CPQ: variants seen among roughly 807,000 people sequenced by gnomAD.
The protein encoded by CPQ is carboxypeptidase Q.
CPQ carries 37 observed loss-of-function variants against 45.7 expected under a neutral mutation model. That is an observed-to-expected ratio of 0.81 (90% confidence interval 0.62 to 1.07). CPQ has a LOEUF of 1.07. Ranked by LOEUF, CPQ falls within the 50% of genes least tolerant of loss-of-function variation. CPQ has a pLI of 0.00. For synonymous variants in CPQ, 186 were observed against 205.8 expected (o/e 0.90, Z 0.82); for missense variants, 537 against 572.9 (o/e 0.94, Z 0.64).
chr8:97,075,988 G>A (rs1323914431), intron 7 of CPQ, among the ~76,000 whole-genome samples: 1 of 151,916 alleles, frequency 6.6e-6, no homozygotes, highest in Non-Finnish European at 1.5e-5. Context: ...AAAAGGTAAG[G>A]ACTTGGTTTT....
intron 4 of CPQ, among the ~76,000 whole-genome samples, chr8:96,880,545 A>G (rs1308088924): frequency 3.3e-4 from 7 of 21,232 alleles, no homozygotes; most frequent in African/African-American, 9.7e-4. Flanking sequence ...ATATATATAT[A>G]TATATATATA....
chr8:96,897,316 A>G (rs960452125), intron 4 of CPQ, among the ~76,000 whole-genome samples: 1 of 152,162 alleles, frequency 6.6e-6, no homozygotes, highest in Non-Finnish European at 1.5e-5. Flanking sequence ...CTCAACCTCT[A>G]TGCTCTTTTT....
chr8:96,929,473 C>T (rs951756415), intron 4 of CPQ, among the ~76,000 whole-genome samples: 4 of 152,142 alleles, frequency 2.6e-5, no homozygotes, highest in African/African-American at 9.7e-5. Context: ...AATATGCTCC[C>T]TCAATGCAAG....
chr8:97,035,687 T>C (rs1031510605), intron 6 of CPQ, among the ~76,000 whole-genome samples: 4 of 99,328 alleles, frequency 4.0e-5, no homozygotes, highest in African/African-American at 1.7e-4. Context: ...ACTTTTTGTT[T>C]GTTTGTTTGT....
chr8:96,973,691 G>A (rs1306882928), intron 5 of CPQ, among the ~76,000 whole-genome samples: 1 of 152,124 alleles, frequency 6.6e-6, no homozygotes, highest in African/African-American at 2.4e-5. Context: ...AACCCTACCA[G>A]CTAGATGGGA....
intron 4 of CPQ, among the ~76,000 whole-genome samples, chr8:96,933,094 T>C (rs1812995887): frequency 6.6e-6 from 1 of 152,148 alleles, no homozygotes; most frequent in Admixed American, 6.5e-5. Flanking sequence ...GACCACTGAA[T>C]GTTTGCAAAG....
At chr8:96,781,223 C>G (rs1185520167) in intron 1 of CPQ, among the ~76,000 whole-genome samples, 2 of 152,126 alleles carry the variant, frequency 1.3e-5, no homozygotes, top group African/African-American at 4.8e-5. Context: ...TTGTCTTAGT[C>G]TATTTTGTGC....
intron 6 of CPQ, among the ~76,000 whole-genome samples, chr8:97,035,680 TTTTG>T (rs869295970): frequency 1.5e-5 from 2 of 131,932 alleles, no homozygotes; most frequent in African/African-American, 3.0e-5. Context: ...CCTTAAGACT[TTTTG>T]TTTGTTTGTT....
chr8:96,719,412 A>G (rs1450486213), intron 1 of CPQ, among the ~76,000 whole-genome samples: 1 of 152,046 alleles, frequency 6.6e-6, no homozygotes, highest in Non-Finnish European at 1.5e-5. Flanking sequence ...CCCACCCGGA[A>G]CTCCAGCTGT....
chr8:96,743,956 G>T (rs1448860772), intron 1 of CPQ, among the ~76,000 whole-genome samples: 2 of 152,242 alleles, frequency 1.3e-5, no homozygotes, highest in African/African-American at 4.8e-5. Flanking sequence ...CCCCAGAGGT[G>T]GAGCCTACAG....
intron 1 of CPQ, among the ~76,000 whole-genome samples, chr8:96,729,248 T>G (rs756451496): frequency 6.6e-6 from 1 of 152,202 alleles, no homozygotes; most frequent in Non-Finnish European, 1.5e-5. Context: ...AATTCCTTGT[T>G]GGGCATGAAG....
At chr8:96,916,123 G>A (rs892777823) in intron 4 of CPQ, among the ~76,000 whole-genome samples, 1 of 152,164 alleles carries the variant, frequency 6.6e-6, no homozygotes. Context: ...AGCCCCGGTT[G>A]AGTAGCTTCA....
chr8:97,025,698 A>T (rs2130463673), intron 5 of CPQ, among the ~76,000 whole-genome samples: 1 of 152,158 alleles, frequency 6.6e-6, no homozygotes, highest in South Asian at 2.1e-4. Context: ...TTGACCTCAT[A>T]TTACTTTGTT....
chr8:96,661,172 A>T (rs1815697113), intron 1 of CPQ, among the ~76,000 whole-genome samples: 1 of 152,254 alleles, frequency 6.6e-6, no homozygotes, highest in Admixed American at 6.5e-5. Flanking sequence ...AACATATCAA[A>T]TGTAAAACAA....
intron 2 of CPQ, among the ~76,000 whole-genome samples, chr8:96,787,525 CTTTTTTTTTTTTTTTTTTT>C (rs71267281): frequency 4.2e-5 from 2 of 47,594 alleles, no homozygotes; most frequent in African/African-American, 8.1e-5. Flanking sequence ...CTTATAATGT[CTTTTTTTTTTTTTTTTTTT>C]TTTTTTTTTT....
chr8:97,076,112 G>A (rs1050109431), intron 7 of CPQ, among the ~76,000 whole-genome samples: 11 of 152,088 alleles, frequency 7.2e-5, no homozygotes, highest in Admixed American at 2.6e-4. Flanking sequence ...TGCAACCTCC[G>A]CCTCCCGGGT....
chr8:96,839,096 TA>T (rs1811570845), intron 3 of CPQ, among the ~76,000 whole-genome samples: 2 of 29,608 alleles, frequency 6.8e-5, no homozygotes, highest in Admixed American at 9.6e-4. Context: ...CATTATATTA[TA>T]TATATATATA....
At chr8:96,990,911 A>ACTATGT in intron 5 of CPQ, among the ~76,000 whole-genome samples, 2 of 152,202 alleles carry the variant, frequency 1.3e-5, no homozygotes, top group Non-Finnish European at 2.9e-5. Context: ...AGTGCAATCC[A>ACTATGT]TAGATATGCT....
intron 1 of CPQ, among the ~76,000 whole-genome samples, chr8:96,740,409 CAG>C (rs1472413503): frequency 2.6e-5 from 4 of 152,072 alleles, no homozygotes; most frequent in African/African-American, 9.7e-5. Context: ...CATCTGCAAA[CAG>C]GGACAATTTG....
Sources: allele counts gnomAD v4.1 joint callset (sites outside exome capture counted in the v4.1 genomes callset), GRCh38; gene constraint gnomAD v4.1.1; transcripts MANE v1.5; gene names NCBI Gene and HGNC (gene_info 2026-07-23, HGNC 2026-07-21).